The following RALGAPA2 variants were observed in gnomAD, a reference collection of about 807,000 sequenced individuals.
RALGAPA2 encodes the protein Ral GTPase activating protein catalytic subunit alpha 2.
In RALGAPA2, 139 loss-of-function variants were observed where a neutral mutation model predicts 230.4. The ratio of observed to expected loss-of-function variants is 0.60; its 90% CI spans 0.53 to 0.69. The LOEUF is 0.69. Ranked by LOEUF, RALGAPA2 falls within the 30% of genes least tolerant of loss-of-function variation. RALGAPA2 has a pLI of 0.00. For missense variants in RALGAPA2, 2,163 were observed against 2,276.0 expected, an observed-to-expected ratio of 0.95 and a Z score of 1.01; for synonymous variants, 847 against 837.8, an observed-to-expected ratio of 1.01 and a Z score of -0.19.
At chr20:20,438,490 G>C (rs2060662906) in intron 37 of RALGAPA2, among the ~76,000 whole-genome samples, 1 of 152,328 alleles carries the variant, frequency 6.6e-6, no homozygotes, top group Admixed American at 6.5e-5. Context: ...CTTTGGGACT[G>C]ACTCCCTTTA....
At chr20:20,492,328 G>A (rs974917421) in intron 36 of RALGAPA2, among the ~76,000 whole-genome samples, 3 of 152,034 alleles carry the variant, frequency 2.0e-5, no homozygotes, top group African/African-American at 7.2e-5. Flanking sequence ...ATACACAGGT[G>A]CTAAAAGAAT....
intron 36 of RALGAPA2, among the ~76,000 whole-genome samples, chr20:20,486,847 C>G (rs2061925613): frequency 6.6e-6 from 1 of 152,080 alleles, no homozygotes; most frequent in Non-Finnish European, 1.5e-5. Flanking sequence ...TTGGCCATGC[C>G]CAGTTTACTC....
At chr20:20,498,646 G>A (rs929373807) in intron 35 of RALGAPA2, among the ~76,000 whole-genome samples, 1 of 152,184 alleles carries the variant, frequency 6.6e-6, no homozygotes, top group African/African-American at 2.4e-5. Context: ...TCAGCTGACA[G>A]TGTGCCCATC....
In RALGAPA2 at chr20:20,412,162, T is replaced by C. The variant is rs2122770739; in HGVS notation, c.5496-14A>G. 2 of 1,613,448 alleles carry C rather than the reference T, an allele frequency of 1.2e-6. No individual in the cohort carries two copies. The highest frequency in any genetic ancestry group is 2.2e-5 in the South Asian group (2 of 91,062). Reference sequence around the variant, plus strand: ...CGCTCTTCATAGCTGCGGTAATCGGTTAAGGAAACAAGTGCACGTGCAAAG... The same window carrying C: ...CGCTCTTCATAGCTGCGGTAATCGGCTAAGGAAACAAGTGCACGTGCAAAG... On this transcript the variant is annotated splice_polypyrimidine_tract_variant and intron_variant, in intron 37 of 39. Coordinates refer to ENST00000202677, the MANE Select transcript of RALGAPA2 (RefSeq NM_020343.4).
chr20:20,431,386 G>T (rs1359042685), intron 37 of RALGAPA2, among the ~76,000 whole-genome samples: 1 of 152,198 alleles, frequency 6.6e-6, no homozygotes, highest in Non-Finnish European at 1.5e-5. Flanking sequence ...ACAGCACAGA[G>T]ATCTGTACAG....
intron 1 of RALGAPA2, among the ~76,000 whole-genome samples, chr20:20,709,314 A>G (rs1166250204): frequency 1.3e-5 from 2 of 151,568 alleles, no homozygotes; most frequent in Non-Finnish European, 2.9e-5. Flanking sequence ...GTGAGACTCC[A>G]TCTCAAAAAA....
chr20:20,701,552 C>G lies in RALGAPA2; in HGVS notation c.106+10823G>C, dbSNP rs139345100. ...AGGAGTTCAAGAAGAGCCTGGCCAACATGGTGAAACCCCATCTCTACTAGT... is the reference window on the plus strand; with the variant it reads ...AGGAGTTCAAGAAGAGCCTGGCCAAGATGGTGAAACCCCATCTCTACTAGT... On this transcript the variant is annotated intron_variant, in intron 1 of 39. Coordinates refer to ENST00000202677, the MANE Select transcript of RALGAPA2 (RefSeq NM_020343.4). Among the ~76,000 whole-genome samples, 14 of 151,090 alleles carry G rather than the reference C, an allele frequency of 9.3e-5. No homozygotes were observed. The East Asian group carries it at 2.7e-3, about 30-fold the overall frequency.
chr20:20,526,126 C>T (rs905882400), intron 28 of RALGAPA2, 126 bp downstream of exon 28: 11 of 757,838 alleles, frequency 1.5e-5, no homozygotes, highest in African/African-American at 3.6e-5. Flanking sequence ...AATCTTAAAA[C>T]GAGTGACTTG....
intron 19 of RALGAPA2, among the ~76,000 whole-genome samples, chr20:20,584,567 C>A (rs184876837): frequency 2.0e-4 from 31 of 152,264 alleles, no homozygotes; most frequent in African/African-American, 7.2e-4. Context: ...ATGGCTTGAG[C>A]CCAGTCATTC....
chr20:20,708,963 T>G (rs975369688), intron 1 of RALGAPA2, among the ~76,000 whole-genome samples: 1 of 150,876 alleles, frequency 6.6e-6, no homozygotes, highest in African/African-American at 2.4e-5. Context: ...GGGAGGATCG[T>G]TTGAGTCTGT....
At chr20:20,418,686 C>CA (rs2060214699) in intron 37 of RALGAPA2, among the ~76,000 whole-genome samples, 1 of 152,068 alleles carries the variant, frequency 6.6e-6, no homozygotes, top group Non-Finnish European at 1.5e-5. Flanking sequence ...CATGCTCAAC[C>CA]AAAAAAGCCA....
chr20:20,630,429 T>C (rs1461787600), intron 9 of RALGAPA2, among the ~76,000 whole-genome samples: 1 of 152,192 alleles, frequency 6.6e-6, no homozygotes, highest in Admixed American at 6.5e-5. Context: ...GTAATTTCAG[T>C]AACTACCAAG....
chr20:20,663,109 T>C (rs1483189219), intron 3 of RALGAPA2, among the ~76,000 whole-genome samples: 5 of 151,726 alleles, frequency 3.3e-5, no homozygotes. Flanking sequence ...GCATCTGAGG[T>C]GAGTGAGGGA....
intron 37 of RALGAPA2, among the ~76,000 whole-genome samples, chr20:20,449,544 G>GCAGCTAGC (rs1223798848): frequency 6.6e-6 from 1 of 152,192 alleles, no homozygotes; most frequent in Non-Finnish European, 1.5e-5. Flanking sequence ...CTTAGCAAAA[G>GCAGCTAGC]CAGCTAGCCA....
chr20:20,542,640 A>G (rs888252899), intron 24 of RALGAPA2, among the ~76,000 whole-genome samples: 25 of 152,220 alleles, frequency 1.6e-4, no homozygotes, highest in African/African-American at 5.8e-4. Flanking sequence ...GACAAATCTG[A>G]CAAAAACAAG....
At chr20:20,613,544 G>A (rs184494440) in intron 13 of RALGAPA2, among the ~76,000 whole-genome samples, 2 of 152,300 alleles carry the variant, frequency 1.3e-5, no homozygotes, top group Admixed American at 1.3e-4. Flanking sequence ...CAGGCACACA[G>A]GGAGGTAGCT....
chr20:20,495,247 T>C lies in RALGAPA2; in HGVS notation c.5237A>G (p.His1746Arg), dbSNP rs755859046. 9.7e-6 allele frequency: 15 copies of C among 1,553,710 alleles called. No individual in the cohort carries two copies. Among genetic ancestry groups the C allele is most frequent in the African/African-American group, 4.1e-5 (3 of 74,022 alleles). The change falls in exon 36 of 40, where the codon CAT becomes CGT. Residue 1746 changes from histidine (H) to arginine (R), a missense_variant. By Grantham distance (29) the His-to-Arg change is conservative. Transcript: ENST00000202677. ...TCTGGAGTGTTCAGACCAGACGATA[T>C]GGACCTCGTCATTCCCCAAGTGACG... ...KLRHLGNDEV[H>R]IVWSEHSRDY...
chr20:20,590,268 C>T (rs2065249474), intron 17 of RALGAPA2, among the ~76,000 whole-genome samples: 1 of 151,842 alleles, frequency 6.6e-6, no homozygotes, highest in Admixed American at 6.6e-5. Flanking sequence ...TAAAACATTC[C>T]TACAAGAAAA....
intron 38 of RALGAPA2, among the ~76,000 whole-genome samples, chr20:20,405,245 T>C (rs2059921392): frequency 6.6e-6 from 1 of 152,196 alleles, no homozygotes. Flanking sequence ...CTTTTTGACA[T>C]GTGGTTATAG....
Sources: gnomAD v4.1 joint callset for allele counts (sites outside exome capture counted in the v4.1 genomes callset) on GRCh38, gnomAD v4.1.1 for gene constraint, MANE v1.5 for transcripts, NCBI Gene and HGNC (gene_info 2026-07-23, HGNC 2026-07-21) for gene names.